The following ITPRID1 variants were observed in gnomAD, a reference collection of about 807,000 sequenced individuals.
ITPRID1 encodes the protein ITPR interacting domain containing 1.
ITPRID1 carries 96 observed loss-of-function variants against 95.4 expected under a neutral mutation model. The observed-to-expected ratio is 1.01, with a 90% confidence interval of 0.85 to 1.19. ITPRID1 has a LOEUF of 1.19. Ranked by LOEUF, ITPRID1 falls within the 50% of genes most tolerant of loss-of-function variation. The pLI, the probability that ITPRID1 is intolerant of heterozygous loss-of-function variation, is 0.00. For synonymous variants in ITPRID1, 510 were observed against 453.6 expected (o/e 1.12, Z -1.58); for missense variants, 1,339 against 1,252.9 (o/e 1.07, Z -1.04).
At position 31,609,120 on chromosome 7, in the gene ITPRID1, T is replaced by G. The variant is rs75737353; in HGVS notation, c.1228+25929T>G. Among the ~76,000 whole-genome samples the G allele has an allele frequency of 7.6e-3, 1,149 of 151,808 alleles. 7 individuals carry two copies. The highest frequency in any genetic ancestry group is 0.012 in the Non-Finnish European group (802 of 67,652). On this transcript the variant is annotated intron_variant, in intron 10 of 14. Transcript: ENST00000615280. Reference sequence around the variant, plus strand: ...CTTTTATTCTTTTAACATTGTGTATTAAATTCACTGATTTTCAGATGTTAA... The same window carrying G: ...CTTTTATTCTTTTAACATTGTGTATGAAATTCACTGATTTTCAGATGTTAA...
intron 10 of ITPRID1, among the ~76,000 whole-genome samples, chr7:31,593,984 T>C (rs1328609571): frequency 2.6e-5 from 4 of 152,212 alleles, no homozygotes; most frequent in Non-Finnish European, 4.4e-5. Flanking sequence ...CTCCTTTGTA[T>C]TAAAAAGAGT....
chr7:31,617,897 C>CTGCAGGAAAA (rs1242607103), intron 10 of ITPRID1, among the ~76,000 whole-genome samples: 2 of 152,140 alleles, frequency 1.3e-5, no homozygotes, highest in Non-Finnish European at 2.9e-5. Flanking sequence ...CTACAAATCA[C>CTGCAGGAAAA]TGCAGGAAAA....
intron 5 of ITPRID1, among the ~76,000 whole-genome samples, chr7:31,559,238 A>T (rs967257991): frequency 6.6e-6 from 1 of 152,196 alleles, no homozygotes; most frequent in South Asian, 2.1e-4. Flanking sequence ...TCCTCTTGGT[A>T]TCACCACATA....
In ITPRID1 at chr7:31,643,592, A is replaced by T; in HGVS notation, c.2222A>T (p.Asp741Val). 1 of 1,614,010 alleles carries T rather than the reference A, an allele frequency of 6.2e-7. No individual in the cohort carries two copies. ...ACATCTTTAGAATGCACTGTGTGTG[A>T]TCCTGTTACCGCAACAGAAACAAGA... ...RGTSLECTVC[D>V]PVTATETRLG... The change falls in exon 12 of 15, where the codon GAT (aspartate) becomes GTT (valine). Residue 741 changes from aspartate (D) to valine (V), a missense_variant. Coordinates refer to ENST00000615280, the MANE Select transcript of ITPRID1 (RefSeq NM_001257967.3).
intron 1 of ITPRID1, among the ~76,000 whole-genome samples, chr7:31,538,063 T>G (rs1783817305): frequency 6.6e-6 from 1 of 152,228 alleles, no homozygotes; most frequent in Non-Finnish European, 1.5e-5. Context: ...TCTAAACTTT[T>G]GCTCTAACAG....
intron 10 of ITPRID1, among the ~76,000 whole-genome samples, chr7:31,602,909 T>G (rs2128160625): frequency 6.7e-6 from 1 of 149,122 alleles, no homozygotes; most frequent in African/African-American, 2.5e-5. Flanking sequence ...TCCAGTACAT[T>G]CATAGATTCG....
intron 1 of ITPRID1, among the ~76,000 whole-genome samples, chr7:31,519,612 CT>C (rs1783160463): frequency 4.3e-5 from 2 of 46,884 alleles, no homozygotes; most frequent in Non-Finnish European, 8.1e-5. Context: ...CTCTCTCTCT[CT>C]CTCTCTCTAT....
At chr7:31,559,758 A>C (rs1037792123) in intron 5 of ITPRID1, among the ~76,000 whole-genome samples, 1 of 152,200 alleles carries the variant, frequency 6.6e-6, no homozygotes, top group Non-Finnish European at 1.5e-5. Flanking sequence ...CATAAAACCC[A>C]TGATGAAAGT....
chr7:31,555,107 A>C, intron 5 of ITPRID1: 1 of 527,662 alleles, frequency 1.9e-6, no homozygotes, highest in Non-Finnish European at 3.4e-6. Flanking sequence ...TTAAGGGCCG[A>C]ACCCAGGGCT....
Position 31,606,407 on chromosome 7 carries a change from G to A in ITPRID1, c.1228+23216G>A, listed in dbSNP as rs551405129. Among the ~76,000 whole-genome samples the A allele has an allele frequency of 2.0e-5, 3 of 151,856 alleles. No individual in the cohort carries two copies. In the South Asian group the frequency reaches 6.2e-4, roughly 32 times the overall value. On this transcript the variant is annotated intron_variant, in intron 10 of 14. Coordinates refer to ENST00000615280, the MANE Select transcript of ITPRID1 (RefSeq NM_001257967.3). ...ATATCTATGATAAAAAGTCAACAAAGCCAAATCCTTTGCTAAATATCTTCA... is the reference window on the plus strand; with the variant it reads ...ATATCTATGATAAAAAGTCAACAAAACCAAATCCTTTGCTAAATATCTTCA...
intron 5 of ITPRID1, among the ~76,000 whole-genome samples, chr7:31,568,536 G>T (rs987611086): frequency 6.6e-6 from 1 of 152,096 alleles, no homozygotes; most frequent in African/African-American, 2.4e-5. Flanking sequence ...ACAAGTAAGC[G>T]GAAATAAGAA....
chr7:31,645,881 G>C (rs1790422926), intron 12 of ITPRID1, among the ~76,000 whole-genome samples: 1 of 152,122 alleles, frequency 6.6e-6, no homozygotes. Context: ...TAGTGTCAAG[G>C]CTGTAAAACT....
At chr7:31,642,129 C>T in intron 10 of ITPRID1, 47 bp from the exon 11 acceptor site, 1 of 1,391,900 alleles carries the variant, frequency 7.2e-7, no homozygotes, top group South Asian at 1.3e-5. Flanking sequence ...GTCCTGCTGG[C>T]TGCGTGTTTT....
At chr7:31,560,421 A>T (rs1784586441) in intron 5 of ITPRID1, among the ~76,000 whole-genome samples, 1 of 152,184 alleles carries the variant, frequency 6.6e-6, no homozygotes, top group African/African-American at 2.4e-5. Context: ...GAACAACTTT[A>T]GCTGCTGTTC....
At chr7:31,534,717 G>C (rs562081530) in intron 1 of ITPRID1, among the ~76,000 whole-genome samples, 2 of 151,866 alleles carry the variant, frequency 1.3e-5, no homozygotes, top group South Asian at 4.2e-4. Flanking sequence ...GACCATTTCT[G>C]TCTTGTAGTT....
At chr7:31,627,775 G>C (rs993137491) in intron 10 of ITPRID1, among the ~76,000 whole-genome samples, 8 of 151,690 alleles carry the variant, frequency 5.3e-5, no homozygotes, top group Non-Finnish European at 1.0e-4. Context: ...TTAAGCTTGG[G>C]TGGTTTATGT....
At chr7:31,528,567 C>T (rs1052679235) in intron 1 of ITPRID1, among the ~76,000 whole-genome samples, 1 of 152,088 alleles carries the variant, frequency 6.6e-6, no homozygotes, top group Admixed American at 6.6e-5. Flanking sequence ...GAATTTCAGC[C>T]ACTGGTGATG....
intron 9 of ITPRID1, among the ~76,000 whole-genome samples, chr7:31,581,131 G>A (rs1338220522): frequency 1.3e-5 from 2 of 152,036 alleles, no homozygotes; most frequent in Non-Finnish European, 2.9e-5. Context: ...GTGTGAAATT[G>A]GCAGATTTTC....
intron 12 of ITPRID1, 70 bp from the exon 13 acceptor site, chr7:31,651,072 C>A: frequency 6.6e-7 from 1 of 1,526,118 alleles, no homozygotes; most frequent in South Asian, 1.3e-5. Flanking sequence ...GGAAGACAGG[C>A]TCCACCATGG....
Sources: allele counts gnomAD v4.1 joint callset (sites outside exome capture counted in the v4.1 genomes callset), GRCh38; gene constraint gnomAD v4.1.1; transcripts MANE v1.5; gene names NCBI Gene and HGNC (gene_info 2026-07-23, HGNC 2026-07-21).